The following PLCL1 variants were observed in gnomAD, a reference collection of about 807,000 sequenced individuals.
PLCL1 encodes phospholipase C like 1 (inactive), also known as inactive phospholipase C-like protein 1.
In PLCL1, 41 loss-of-function variants were observed where a neutral mutation model predicts 84.4. The observed-to-expected ratio is 0.49, with a 90% confidence interval of 0.38 to 0.63. The LOEUF (loss-of-function observed/expected upper bound fraction) is 0.63. Among genes scored for constraint, PLCL1 ranks in the 30% least tolerant of loss-of-function variants. The probability of loss-of-function intolerance (pLI) is 0.00; values close to 1 mark genes in which losing one functional copy is unlikely to be tolerated. For missense variants in PLCL1, 1,206 were observed against 1,367.8 expected, an observed-to-expected ratio of 0.88 and a Z score of 1.87; for synonymous variants, 490 against 488.3, an observed-to-expected ratio of 1.00 and a Z score of -0.05.
rs140206037 is a variant in PLCL1, at chr2:197,842,410, C to T, written c.240+37071C>T. 9.2e-5 allele frequency among the ~76,000 whole-genome samples: 14 copies of T among 152,108 alleles called. No individual in the cohort carries two copies. The East Asian group carries it at 2.3e-3, about 25-fold the overall frequency. ...TAATGTTTTCCACTGACCTCCAGGA[C>T]TCTCTCACACTCTTTAGTTTTATTA... On this transcript the variant is annotated intron_variant, in intron 1 of 5. Transcript: ENST00000428675.
rs1317400962 is a variant in PLCL1, at chr2:197,873,715, G to A, written c.240+68376G>A. On this transcript the variant is annotated intron_variant, in intron 1 of 5. Transcript: ENST00000428675. ...CAGCCAGTCTGACTTTATTGTCTCT[G>A]TGCCTCACCAATATATCAGGCCACC... Among the ~76,000 whole-genome samples, 3 of 152,158 alleles carry A rather than the reference G, an allele frequency of 2.0e-5. No individual in the cohort carries two copies. In the East Asian group the frequency reaches 5.8e-4, roughly 29 times the overall value.
chr2:197,897,393 T>C (rs142034898), intron 1 of PLCL1, among the ~76,000 whole-genome samples: 3 of 152,056 alleles, frequency 2.0e-5, no homozygotes, highest in African/African-American at 7.3e-5. Flanking sequence ...TATAGAGTGT[T>C]TGTGGTTCAT....
At chr2:198,122,653 A>G (rs1446235113) in intron 5 of PLCL1, among the ~76,000 whole-genome samples, 1 of 152,146 alleles carries the variant, frequency 6.6e-6, no homozygotes, top group African/African-American at 2.4e-5. Context: ...CAAATTGGGT[A>G]TACCAGAAAG....
intron 1 of PLCL1, among the ~76,000 whole-genome samples, chr2:198,035,818 T>C (rs1445559455): frequency 1.3e-5 from 2 of 152,208 alleles, no homozygotes. Context: ...GCAGATCACC[T>C]GAGGTCAGGA....
chr2:198,088,751 C>T (rs939871971), intron 2 of PLCL1, 107 bp from the exon 3 acceptor site: 1 of 767,594 alleles, frequency 1.3e-6, no homozygotes, highest in East Asian at 2.4e-5. Flanking sequence ...TATGAATTAG[C>T]CCTCTATTAT....
At chr2:198,072,329 A>G (rs963706819) in intron 1 of PLCL1, among the ~76,000 whole-genome samples, 1 of 151,622 alleles carries the variant, frequency 6.6e-6, no homozygotes, top group Non-Finnish European at 1.5e-5. Context: ...TATTTATATT[A>G]TATTTTGCCA....
At chr2:198,057,534 G>C (rs1277858799) in intron 1 of PLCL1, among the ~76,000 whole-genome samples, 1 of 152,132 alleles carries the variant, frequency 6.6e-6, no homozygotes. Context: ...AATAAAAGGA[G>C]GAAATATCAG....
chr2:198,043,009 C>A (rs1691701215), intron 1 of PLCL1, among the ~76,000 whole-genome samples: 1 of 152,010 alleles, frequency 6.6e-6, no homozygotes, highest in Non-Finnish European at 1.5e-5. Flanking sequence ...AAATAGGACA[C>A]CAATGATTTC....
At chr2:197,974,321 G>A (rs1040136396) in intron 1 of PLCL1, among the ~76,000 whole-genome samples, 8 of 152,192 alleles carry the variant, frequency 5.3e-5, no homozygotes, top group African/African-American at 1.9e-4. Context: ...GGAACCATTG[G>A]CATGGATCTG....
At chr2:198,009,995 A>G (rs1690829052) in intron 1 of PLCL1, among the ~76,000 whole-genome samples, 1 of 152,142 alleles carries the variant, frequency 6.6e-6, no homozygotes, top group East Asian at 1.9e-4. Context: ...TTGTTAATGT[A>G]TAGAAAATGC....
intron 1 of PLCL1, among the ~76,000 whole-genome samples, chr2:198,024,848 A>G (rs1235364802): frequency 1.3e-5 from 2 of 151,984 alleles, no homozygotes; most frequent in South Asian, 2.1e-4. Flanking sequence ...CTGATGAATT[A>G]ATTTCCCTAA....
intron 5 of PLCL1, among the ~76,000 whole-genome samples, chr2:198,107,289 G>T (rs545909261): frequency 6.6e-6 from 1 of 151,820 alleles, no homozygotes; most frequent in Non-Finnish European, 1.5e-5. Flanking sequence ...CCTCCCACCA[G>T]GTCCCTCCTA....
chr2:197,866,382 T>C (rs1329774192), intron 1 of PLCL1, among the ~76,000 whole-genome samples: 2 of 151,886 alleles, frequency 1.3e-5, no homozygotes, highest in Non-Finnish European at 2.9e-5. Context: ...TGTTTCCTAG[T>C]ACTTTCACAT....
At chr2:198,095,647 G>A (rs1025441884) in intron 3 of PLCL1, among the ~76,000 whole-genome samples, 1 of 152,138 alleles carries the variant, frequency 6.6e-6, no homozygotes, top group Non-Finnish European at 1.5e-5. Flanking sequence ...TCTACTATTG[G>A]GGATGTGAAT....
At chr2:198,096,897 A>G (rs750185566) in intron 3 of PLCL1, among the ~76,000 whole-genome samples, 3 of 152,224 alleles carry the variant, frequency 2.0e-5, no homozygotes, top group Admixed American at 6.5e-5. Flanking sequence ...TGGCTTAAAT[A>G]CATTCTGTTA....
At chr2:198,005,619 A>G (rs1161683721) in intron 1 of PLCL1, among the ~76,000 whole-genome samples, 1 of 152,234 alleles carries the variant, frequency 6.6e-6, no homozygotes, top group Non-Finnish European at 1.5e-5. Flanking sequence ...GACTCACCTC[A>G]GTGTTGACGG....
At chr2:198,106,613 G>T (rs559367294) in intron 5 of PLCL1, among the ~76,000 whole-genome samples, 2 of 152,000 alleles carry the variant, frequency 1.3e-5, no homozygotes, top group Non-Finnish European at 2.9e-5. Flanking sequence ...TCACAGAAAG[G>T]TGCTAGGGAT....
intron 5 of PLCL1, among the ~76,000 whole-genome samples, chr2:198,118,228 A>G (rs1352342801): frequency 6.6e-6 from 1 of 151,978 alleles, no homozygotes; most frequent in Non-Finnish European, 1.5e-5. Flanking sequence ...TCTGAAAAAT[A>G]TAGTCTTTGC....
At chr2:198,013,016 T>C (rs1690908875) in intron 1 of PLCL1, among the ~76,000 whole-genome samples, 1 of 152,140 alleles carries the variant, frequency 6.6e-6, no homozygotes, top group Non-Finnish European at 1.5e-5. Flanking sequence ...GACACAATTA[T>C]CTGCCGTCAT....
Sources: gnomAD v4.1 joint callset for allele counts (sites outside exome capture counted in the v4.1 genomes callset) on GRCh38, gnomAD v4.1.1 for gene constraint, MANE v1.5 for transcripts, NCBI Gene and HGNC (gene_info 2026-07-23, HGNC 2026-07-21) for gene names.